The following NEAT1 variants were observed in gnomAD, a reference collection of about 807,000 sequenced individuals.
NEAT1 encodes the protein nuclear paraspeckle assembly transcript 1, also known as MENepsilon/beta.
At chr11:65,434,403 A>G (rs1856639603) in exon 1 of NEAT1, 2 of 152,154 alleles carry the variant, frequency 1.3e-5, no homozygotes, top group East Asian at 1.9e-4. Flanking sequence ...AACGTGTTGC[A>G]TGGTTTCTTT....
At chr11:65,434,738 G>C (rs1856643772) in exon 1 of NEAT1, 1 of 151,980 alleles carries the variant, frequency 6.6e-6, no homozygotes, top group Non-Finnish European at 1.5e-5. Context: ...ATTCTGCCCT[G>C]TTGCCCTCCA....
exon 1 of NEAT1, chr11:65,439,501 C>T (rs2134905510): frequency 6.6e-6 from 1 of 152,094 alleles, no homozygotes; most frequent in African/African-American, 2.4e-5. Flanking sequence ...GCCTGGCCAG[C>T]ATAGCGAAAA....
At chr11:65,428,826 C>G (rs1856587443) in exon 1 of NEAT1, 1 of 151,114 alleles carries the variant, frequency 6.6e-6, no homozygotes, top group African/African-American at 2.4e-5. Flanking sequence ...TCATTGAGTT[C>G]TAATATGTAA....
chr11:65,429,184 G>A (rs1856591053), exon 1 of NEAT1: 1 of 151,820 alleles, frequency 6.6e-6, no homozygotes, highest in Non-Finnish European at 1.5e-5. Context: ...ACTTTTTCAC[G>A]TCTGTTGTTA....
chr11:65,441,554 TA>T (rs1218238188), exon 1 of NEAT1: 1 of 152,232 alleles, frequency 6.6e-6, no homozygotes, highest in Non-Finnish European at 1.5e-5. Context: ...TATATTATCT[TA>T]ATTACCTTTT....
At chr11:65,440,554 T>C (rs2134906601) in exon 1 of NEAT1, 1 of 150,884 alleles carries the variant, frequency 6.6e-6, no homozygotes, top group East Asian at 1.9e-4. Context: ...GAGGCAGCAG[T>C]GGTCAGGGAA....
chr11:65,433,466 T>G (rs1856630938), exon 1 of NEAT1: 1 of 152,180 alleles, frequency 6.6e-6, no homozygotes, highest in Admixed American at 6.5e-5. Context: ...AACATGGCTC[T>G]CTTTTACTTG....
chr11:65,429,136 A>T (rs1856590407), exon 1 of NEAT1: 1 of 152,016 alleles, frequency 6.6e-6, no homozygotes, highest in African/African-American at 2.4e-5. Flanking sequence ...TTTTCCTCTT[A>T]GAAAATAATA....
chr11:65,439,083 A>T (rs145085169), exon 1 of NEAT1: 76 of 152,274 alleles, frequency 5.0e-4, no homozygotes, highest in Middle Eastern at 3.4e-3. Flanking sequence ...CATTCTAATG[A>T]GTGTGAAGTA....
At chr11:65,445,452 GT>G (rs1856758047) in exon 1 of NEAT1, 1 of 152,352 alleles carries the variant, frequency 6.6e-6, no homozygotes. Context: ...CGCCGCAGGT[GT>G]TTCTTTTACT....
chr11:65,424,183 A>T (rs1856536740), exon 1 of NEAT1: 1 of 152,310 alleles, frequency 6.6e-6, no homozygotes, highest in South Asian at 2.1e-4. Flanking sequence ...TAAAGTTTGC[A>T]GATGAGCTTA....
At position 65,441,349 on chromosome 11, in the gene NEAT1, A is replaced by ATG. The variant is rs1178196930; in HGVS notation, n.18555_18556dup. ...TTTATTTGTTTGTTTGTTTTAGTAGATGTGGGGTCTTTCTGTGTTGCCCGG... is the reference window on the plus strand; with the variant it reads ...TTTATTTGTTTGTTTGTTTTAGTAGATGTGTGGGGTCTTTCTGTGTTGCCCGG... On this transcript the variant is annotated non_coding_transcript_exon_variant, in exon 1 of 1. Transcript: ENST00000501122. 4 of 152,192 alleles carry ATG rather than the reference A, an allele frequency of 2.6e-5. No individual in the cohort carries two copies. The South Asian group carries it at 8.3e-4, about 32-fold the overall frequency. 9.4% of individuals were successfully genotyped at this position (152,192 alleles called of 1,614,324 possible).
exon 1 of NEAT1, chr11:65,439,913 A>G (rs2134905936): frequency 6.6e-6 from 1 of 152,232 alleles, no homozygotes; most frequent in Non-Finnish European, 1.5e-5. Flanking sequence ...CCCCTGCTAG[A>G]TGTGCTGGAT....
exon 1 of NEAT1, chr11:65,424,410 A>AT (rs1488605593): frequency 1.3e-5 from 2 of 152,176 alleles, no homozygotes; most frequent in Non-Finnish European, 2.9e-5. Flanking sequence ...GCTGTAGAAC[A>AT]TTTTAACGTT....
chr11:65,444,310 TGTGTGTGTGTGTA>T (rs1426464167), exon 1 of NEAT1: 1 of 334,248 alleles, frequency 3.0e-6, no homozygotes, highest in Admixed American at 4.0e-5. Context: ...TGTGTGTGTG[TGTGTGTGTGTGTA>T]AAAGAGAGAA....
chr11:65,425,697 T>G (rs1856554210), exon 1 of NEAT1: 1 of 152,152 alleles, frequency 6.6e-6, no homozygotes, highest in Non-Finnish European at 1.5e-5. Context: ...ATGAGCGAAG[T>G]GAAATTGCAT....
chr11:65,437,236 T>TATAC (rs1299942461), exon 1 of NEAT1: 3 of 146,664 alleles, frequency 2.0e-5, no homozygotes, highest in African/African-American at 7.5e-5. Flanking sequence ...TACATATATA[T>TATAC]ATACATATAT....
chr11:65,435,775 A>G (rs927176249), exon 1 of NEAT1: 2 of 152,236 alleles, frequency 1.3e-5, no homozygotes, highest in East Asian at 1.9e-4. Flanking sequence ...CTGCCTGTCC[A>G]TACCGGAATC....
chr11:65,444,929 A>C, exon 1 of NEAT1: 1 of 199,028 alleles, frequency 5.0e-6, no homozygotes, highest in South Asian at 7.2e-5. Context: ...AGACCCAGAG[A>C]ACCATTTCCA....
Sources: allele counts gnomAD v4.1 joint callset, GRCh38; gene constraint gnomAD v4.1.1; transcripts MANE v1.5; gene names NCBI Gene and HGNC (gene_info 2026-07-23, HGNC 2026-07-21).